Variants in HNRNPM observed in about 807,000 individuals in gnomAD.
The protein encoded by HNRNPM is CEA receptor.
Under a neutral mutation model 73.1 loss-of-function variants are expected in HNRNPM, and 11 were observed. That is an observed-to-expected ratio of 0.15 (90% CI 0.09 to 0.25). The LOEUF (loss-of-function observed/expected upper bound fraction) is 0.25, where lower values mean the gene tolerates loss of function less well. HNRNPM is among the 10% of genes least tolerant of loss of function. HNRNPM has a pLI of 1.00. For synonymous variants in HNRNPM, 407 were observed against 355.2 expected, an observed-to-expected ratio of 1.15 and a Z score of -1.64; for missense variants, 789 against 1,067.9, an observed-to-expected ratio of 0.74 and a Z score of 3.64.
chr19:8,486,083 CCACCGGCCTGGAGCGCATGGG>C lies in HNRNPM; in HGVS notation c.1657_1677del (p.Thr553_Gly559del). The C allele has an allele frequency of 6.2e-7, 1 of 1,604,074 alleles. No homozygotes were observed. The highest frequency in any genetic ancestry group is 1.7e-5 in the Admixed American group (1 of 59,766). On this transcript the variant is annotated inframe_deletion, in exon 14 of 16. Transcript: ENST00000325495. ...ATGGGCCCCGTGATGGATCGCATGG[CCACCGGCCTGGAGCGCATGGG>C]CGCCAACAATCTGGAGCGGATGGGC...
rs1021260020 is a variant in HNRNPM, at chr19:8,468,955, C to G, written c.895+121C>G. 9 of 750,354 alleles carry G rather than the reference C, an allele frequency of 1.2e-5. No homozygotes were observed. The African/African-American group carries it at 1.2e-4, about 10-fold the overall frequency. The allele number at this position is 750,354 out of a possible 1,614,324, so 46.5% of individuals were successfully genotyped here. ...TAGCCCTCAGTTCTCTTGGCCAGTT[C>G]TTTTCTATAGATTTTTCAGGGTGAG... On this transcript the variant is annotated intron_variant, in intron 9 of 15. Transcript: ENST00000325495.
intron 15 of HNRNPM, 135 bp from the exon 16 acceptor site, chr19:8,488,556 C>T (rs535345711): frequency 4.8e-5 from 32 of 672,464 alleles, no homozygotes; most frequent in African/African-American, 4.1e-4. Context: ...CTGAGGGGGC[C>T]GTAGTCATTG....
At chr19:8,471,036 A>G (rs1366014282) in intron 9 of HNRNPM, among the ~76,000 whole-genome samples, 1 of 152,124 alleles carries the variant, frequency 6.6e-6, no homozygotes, top group African/African-American at 2.4e-5. Context: ...TTCTCAGTCC[A>G]TGGGTTAGTG....
At chr19:8,464,840 A>G (rs1204898663) in intron 5 of HNRNPM, among the ~76,000 whole-genome samples, 2 of 152,166 alleles carry the variant, frequency 1.3e-5, no homozygotes, top group African/African-American at 4.8e-5. Flanking sequence ...TTTACTGCGC[A>G]GCCCTCACAC....
chr19:8,475,847 TG>T lies in HNRNPM; in HGVS notation c.1120+1604del, dbSNP rs1176176314. On this transcript the variant is annotated intron_variant, in intron 12 of 15. Transcript: ENST00000325495. ...CTTTGGGAGGCTGGGGTAAGAGGATTGCTTGAGCTCAGGAGTTCAAGATCAG... is the reference window on the plus strand; with the variant it reads ...CTTTGGGAGGCTGGGGTAAGAGGATTCTTGAGCTCAGGAGTTCAAGATCAG... Among the ~76,000 whole-genome samples, 13 of 151,860 alleles carry T rather than the reference TG, an allele frequency of 8.6e-5. No homozygotes were observed. The East Asian group carries it at 2.5e-3, about 29-fold the overall frequency.
Position 8,468,806 on chromosome 19 carries a change from C to T in HNRNPM, c.867C>T (p.Phe289=), listed in dbSNP as rs1277156319. The T allele has an allele frequency of 4.3e-6, 7 of 1,613,852 alleles. No homozygotes were observed. The highest frequency in any genetic ancestry group is 5.1e-6 in the Non-Finnish European group (6 of 1,179,752). ...GGGCCTTACCAAAAGGAGATTTCTT[C>T]CCTCCTGAGCGTCCACAACAACTTC... ...DERALPKGDF[F]PPERPQQLPH... Residue 289 remains phenylalanine, a synonymous_variant, in exon 9 of 16, where the codon TTC becomes TTT. Transcript: ENST00000325495.
intron 12 of HNRNPM, among the ~76,000 whole-genome samples, chr19:8,481,275 A>C (rs562613281): frequency 6.6e-6 from 1 of 152,342 alleles, no homozygotes; most frequent in African/African-American, 2.4e-5. Flanking sequence ...TGTGCATCCA[A>C]GTGGCCTAGT....
intron 12 of HNRNPM, among the ~76,000 whole-genome samples, chr19:8,478,383 T>A (rs1970663506): frequency 6.6e-6 from 1 of 152,150 alleles, no homozygotes; most frequent in African/African-American, 2.4e-5. Flanking sequence ...CTAGGGTGAT[T>A]TTTCCACAGA....
intron 12 of HNRNPM, among the ~76,000 whole-genome samples, chr19:8,477,294 C>G (rs1052301088): frequency 5.3e-5 from 8 of 152,132 alleles, no homozygotes; most frequent in Non-Finnish European, 1.2e-4. Context: ...GTAGGAATCA[C>G]GAAAGGCTTA....
chr19:8,449,372 C>T (rs2145606839), intron 1 of HNRNPM, among the ~76,000 whole-genome samples: 1 of 152,270 alleles, frequency 6.6e-6, no homozygotes, highest in East Asian at 1.9e-4. Context: ...CTTTGCTAGT[C>T]TGTAATGATT....
intron 12 of HNRNPM, among the ~76,000 whole-genome samples, chr19:8,481,312 C>T (rs1970900982): frequency 1.3e-5 from 2 of 152,150 alleles, no homozygotes; most frequent in South Asian, 4.1e-4. Flanking sequence ...ACGTTGGTTG[C>T]CAGATGCTGC....
At chr19:8,447,177 T>G (rs1304147320) in intron 1 of HNRNPM, among the ~76,000 whole-genome samples, 5 of 151,922 alleles carry the variant, frequency 3.3e-5, no homozygotes, top group Admixed American at 2.6e-4. Flanking sequence ...AGGCTCAAAG[T>G]CTCAAAGTCT....
chr19:8,483,940 A>AT (rs1422637698), intron 13 of HNRNPM, among the ~76,000 whole-genome samples: 13 of 151,200 alleles, frequency 8.6e-5, no homozygotes, highest in South Asian at 8.4e-4. Flanking sequence ...TAATTTTTTG[A>AT]TTTTTTTTGT....
At chr19:8,468,688 C>A in intron 8 of HNRNPM, 86 bp from the exon 9 acceptor site, 1 of 1,000,326 alleles carries the variant, frequency 1.0e-6, no homozygotes, top group Admixed American at 1.8e-5. Flanking sequence ...CTGGTCCTCT[C>A]TTGATGGGGG....
chr19:8,467,753 G>A (rs762426701), intron 8 of HNRNPM, among the ~76,000 whole-genome samples, 169 bp downstream of exon 8: 5 of 152,206 alleles, frequency 3.3e-5, no homozygotes, highest in East Asian at 1.9e-4. Flanking sequence ...CTGGTCAGGC[G>A]TGGTGGTTCA....
At chr19:8,485,495 TG>T in intron 13 of HNRNPM, 107 bp from the exon 14 acceptor site, 3 of 1,092,768 alleles carry the variant, frequency 2.7e-6, no homozygotes, top group East Asian at 4.7e-5. Flanking sequence ...TAAATTATGG[TG>T]GGCCTTTACC....
chr19:8,477,013 G>A (rs760340141), intron 12 of HNRNPM, among the ~76,000 whole-genome samples: 1 of 152,090 alleles, frequency 6.6e-6, no homozygotes, highest in Non-Finnish European at 1.5e-5. Context: ...GCCAGTCCTT[G>A]TTAATTCATA....
Position 8,447,503 on chromosome 19 carries a change from G to T in HNRNPM, c.113+2392G>T, listed in dbSNP as rs114451087. 3.7e-3 allele frequency among the ~76,000 whole-genome samples: 569 copies of T among 152,270 alleles called. 7 individuals carry two copies. Among genetic ancestry groups the T allele is most frequent in the African/African-American group, 0.013 (540 of 41,548 alleles). ...ACCTGTTCCTCCATGACAGGAAGACGTGTGGAAGTGGAGGAGAAGAAGATG... is the reference window on the plus strand; with the variant it reads ...ACCTGTTCCTCCATGACAGGAAGACTTGTGGAAGTGGAGGAGAAGAAGATG... On this transcript the variant is annotated intron_variant, in intron 1 of 15. Transcript: ENST00000325495.
chr19:8,482,003 C>T (rs1332850296), intron 12 of HNRNPM, among the ~76,000 whole-genome samples: 1 of 140,704 alleles, frequency 7.1e-6, no homozygotes, highest in Non-Finnish European at 1.5e-5. Flanking sequence ...GAGACAGAGT[C>T]TCACTCTTGC....
Sources: gnomAD v4.1 joint callset for allele counts (sites outside exome capture counted in the v4.1 genomes callset) on GRCh38, gnomAD v4.1.1 for gene constraint, MANE v1.5 for transcripts, NCBI Gene and HGNC (gene_info 2026-07-23, HGNC 2026-07-21) for gene names.